The following MAML3 variants were observed in gnomAD, a reference collection of about 807,000 sequenced individuals.
MAML3 encodes mastermind-like protein 3.
MAML3 carries 27 observed loss-of-function variants against 101.9 expected under a neutral mutation model. The ratio of observed to expected loss-of-function variants is 0.27; its 90% CI spans 0.20 to 0.37. The LOEUF is 0.37. Ranked by LOEUF, MAML3 falls within the 10% of genes least tolerant of loss-of-function variation. The pLI, the probability that MAML3 is intolerant of heterozygous loss-of-function variation, is 1.00. For synonymous variants in MAML3, 501 were observed against 555.9 expected (o/e 0.90, Z 1.39); for missense variants, 1,316 against 1,444.9 (o/e 0.91, Z 1.45).
At chr4:140,140,925 C>G (rs1249007948) in intron 1 of MAML3, among the ~76,000 whole-genome samples, 1 of 152,146 alleles carries the variant, frequency 6.6e-6, no homozygotes, top group East Asian at 1.9e-4. Context: ...CTGGCAAGAA[C>G]CAGCACTACC....
intron 1 of MAML3, among the ~76,000 whole-genome samples, chr4:140,112,851 TGA>T (rs1410696119): frequency 6.6e-6 from 1 of 152,222 alleles, no homozygotes; most frequent in Non-Finnish European, 1.5e-5. Flanking sequence ...GACTCATCTA[TGA>T]GAGAGAAAAT....
At chr4:139,770,769 A>G (rs534778564) in intron 2 of MAML3, among the ~76,000 whole-genome samples, 2 of 152,298 alleles carry the variant, frequency 1.3e-5, no homozygotes, top group South Asian at 2.1e-4. Flanking sequence ...CCCCAATAAA[A>G]TGTTACACAG....
intron 1 of MAML3, among the ~76,000 whole-genome samples, chr4:140,061,231 C>T (rs1727442985): frequency 6.6e-6 from 1 of 152,190 alleles, no homozygotes; most frequent in African/African-American, 2.4e-5. Context: ...TCGCTTTTTA[C>T]AGGAATCGGA....
At chr4:139,913,204 G>GA (rs926145831) in intron 1 of MAML3, among the ~76,000 whole-genome samples, 4 of 152,084 alleles carry the variant, frequency 2.6e-5, no homozygotes, top group African/African-American at 7.2e-5. Flanking sequence ...CAAGAGGGGA[G>GA]AAAAAAAATC....
At chr4:139,940,901 C>A (rs561730668) in intron 1 of MAML3, among the ~76,000 whole-genome samples, 1 of 152,280 alleles carries the variant, frequency 6.6e-6, no homozygotes, top group South Asian at 2.1e-4. Flanking sequence ...ACTTGTGTAA[C>A]TTAGGAGTTG....
chr4:139,844,714 T>C (rs965115712), intron 2 of MAML3, among the ~76,000 whole-genome samples: 5 of 152,126 alleles, frequency 3.3e-5, no homozygotes, highest in Non-Finnish European at 7.4e-5. Context: ...GTTGACAGTG[T>C]GGGTGGGATA....
At chr4:139,761,053 G>A (rs904292123) in intron 2 of MAML3, among the ~76,000 whole-genome samples, 1 of 152,040 alleles carries the variant, frequency 6.6e-6, no homozygotes, top group East Asian at 1.9e-4. Flanking sequence ...CCACCTCCCG[G>A]GTTCAAGTGA....
chr4:139,889,052 G>T (rs2111195823), intron 2 of MAML3: 1 of 484,258 alleles, frequency 2.1e-6, no homozygotes, highest in East Asian at 5.2e-5. Flanking sequence ...GTTTGGTGGA[G>T]TGACCTCTGC....
At chr4:139,759,375 G>T (rs71606856) in intron 2 of MAML3, among the ~76,000 whole-genome samples, 1,681 of 152,298 alleles carry the variant, frequency 0.011, 15 homozygotes, top group Non-Finnish European at 0.018. Context: ...GTGTCTGTGG[G>T]GCTCACGTGG....
chr4:139,728,240 G>T (rs1728556168), intron 3 of MAML3, among the ~76,000 whole-genome samples: 2 of 152,004 alleles, frequency 1.3e-5, no homozygotes, highest in South Asian at 4.2e-4. Flanking sequence ...AAAAAAAGTT[G>T]AGCACTTACT....
Position 139,909,836 on chromosome 4 carries a change from C to CAAAAAAAAAAAAAAAAAA in MAML3, c.469-18887_469-18870dup, listed in dbSNP as rs11379402. ...TGGGCCACAGAGTGCGATGCCGTCT[C>CAAAAAAAAAAAAAAAAAA]AAAAAAAAAAAAAAAAAAAAAAGAT... On this transcript the variant is annotated intron_variant, in intron 1 of 4. Coordinates refer to ENST00000509479, the MANE Select transcript of MAML3 (RefSeq NM_018717.5). Among the ~76,000 whole-genome samples the CAAAAAAAAAAAAAAAAAA allele has an allele frequency of 3.4e-5, 2 of 58,732 alleles. 1 individual carries two copies. Among genetic ancestry groups the CAAAAAAAAAAAAAAAAAA allele is most frequent in the Non-Finnish European group, 6.1e-5 (2 of 32,706 alleles). The allele number at this position is 58,732 out of a possible 152,430, so 38.5% of individuals were successfully genotyped here.
rs978641165 is a variant in MAML3, at chr4:140,026,445, G to C, written c.468+126415C>G. 7.9e-5 allele frequency among the ~76,000 whole-genome samples: 12 copies of C among 152,086 alleles called. No homozygotes were observed. In the South Asian group the frequency reaches 2.3e-3, roughly 29 times the overall value. ...AATTTTTGTATTTTAGTACAGACGG[G>C]GTTTCACCACGTTGGCCAGGCTGGT... On this transcript the variant is annotated intron_variant, in intron 1 of 4. Transcript: ENST00000509479.
intron 2 of MAML3, among the ~76,000 whole-genome samples, chr4:139,781,511 A>AAGAC (rs1295187746): frequency 1.1e-5 from 1 of 89,220 alleles, no homozygotes; most frequent in Non-Finnish European, 2.5e-5. Flanking sequence ...GCATTTTCAT[A>AAGAC]TATATATATA....
chr4:140,098,005 T>C (rs1241374187), intron 1 of MAML3, among the ~76,000 whole-genome samples: 1 of 152,240 alleles, frequency 6.6e-6, no homozygotes, highest in East Asian at 1.9e-4. Flanking sequence ...CTCCACGTTT[T>C]TCTCCACTAC....
At chr4:140,137,027 C>T (rs1371579902) in intron 1 of MAML3, among the ~76,000 whole-genome samples, 3 of 152,250 alleles carry the variant, frequency 2.0e-5, no homozygotes, top group African/African-American at 7.2e-5. Flanking sequence ...CTCGTTCTTT[C>T]GCCCAGGCTG....
intron 2 of MAML3, among the ~76,000 whole-genome samples, chr4:139,812,760 C>T (rs998942237): frequency 1.7e-4 from 26 of 152,054 alleles, no homozygotes; most frequent in African/African-American, 5.8e-4. Flanking sequence ...CAATCACTGC[C>T]GCTTGAGAGT....
chr4:139,922,210 C>T (rs1278396206), intron 1 of MAML3, among the ~76,000 whole-genome samples: 1 of 152,078 alleles, frequency 6.6e-6, no homozygotes, highest in Admixed American at 6.5e-5. Context: ...CTTCAGCTTG[C>T]TTGCTTTTTA....
Position 139,738,717 on chromosome 4 carries a change from GA to G in MAML3, c.2080-8051del, listed in dbSNP as rs374950034. 9.9e-3 allele frequency among the ~76,000 whole-genome samples: 1,478 copies of G among 149,084 alleles called. 13 individuals carry two copies. Among genetic ancestry groups the G allele is most frequent in the African/African-American group, 0.033 (1,346 of 40,600 alleles). ...GTATAGATAGAAAAAAAGGTACAGA[GA>G]AAAAAAAATGCAGAAAAGTATAGAT... is the stretch of plus-strand genomic sequence containing the variant. On this transcript the variant is annotated intron_variant, in intron 2 of 4. Coordinates refer to ENST00000509479, the MANE Select transcript of MAML3 (RefSeq NM_018717.5).
At chr4:139,967,253 C>T (rs768622552) in intron 1 of MAML3, among the ~76,000 whole-genome samples, 6 of 151,962 alleles carry the variant, frequency 3.9e-5, no homozygotes, top group East Asian at 1.9e-4. Flanking sequence ...GAAAGGCAGT[C>T]GCCCCCTCAA....
Sources: allele counts gnomAD v4.1 joint callset (sites outside exome capture counted in the v4.1 genomes callset), GRCh38; gene constraint gnomAD v4.1.1; transcripts MANE v1.5; gene names NCBI Gene and HGNC (gene_info 2026-07-23, HGNC 2026-07-21).